CNOT3: variants seen among roughly 807,000 people sequenced by gnomAD.
CNOT3 encodes CCR4-NOT transcription complex subunit 3.
Under a neutral mutation model 89.4 loss-of-function variants are expected in CNOT3, and 2 were observed. The ratio of observed to expected loss-of-function variants is 0.02; its 90% CI spans 0.01 to 0.07. The LOEUF is 0.07. CNOT3 is among the 10% of genes least tolerant of loss of function. CNOT3 has a pLI of 1.00. For missense variants in CNOT3, 664 were observed against 1,010.2 expected (o/e 0.66, Z 4.65); for synonymous variants, 486 against 402.0 (o/e 1.21, Z -2.50).
intron 13 of CNOT3, among the ~76,000 whole-genome samples, chr19:54,150,119 C>G (rs2074987423): frequency 6.6e-6 from 1 of 152,154 alleles, no homozygotes; most frequent in African/African-American, 2.4e-5. Flanking sequence ...GGTGTACTTT[C>G]TGCACAAGTA....
intron 10 of CNOT3, among the ~76,000 whole-genome samples, chr19:54,147,338 T>C (rs979071032): frequency 2.4e-4 from 37 of 152,208 alleles, no homozygotes; most frequent in African/African-American, 8.9e-4. Context: ...TGAGTGGGCA[T>C]TGAGGAGGCT....
intron 1 of CNOT3, among the ~76,000 whole-genome samples, chr19:54,140,749 C>T (rs2074416548): frequency 6.6e-6 from 1 of 152,170 alleles, no homozygotes; most frequent in Non-Finnish European, 1.5e-5. Flanking sequence ...AACATCACCT[C>T]CCTGGGTTAG....
intron 17 of CNOT3, chr19:54,154,161 G>A (rs1047246030): frequency 3.1e-5 from 17 of 546,866 alleles, no homozygotes; most frequent in Non-Finnish European, 5.6e-5. Context: ...GATTTTCCCA[G>A]TATGTGTCCC....
At chr19:54,146,699 T>G (rs1298692253) in intron 10 of CNOT3, 42 bp downstream of exon 10, 1 of 1,095,454 alleles carries the variant, frequency 9.1e-7, no homozygotes, top group South Asian at 1.2e-5. Flanking sequence ...CATTCACTCC[T>G]CTGTTGCTTC....
rs1035792092 is a variant in CNOT3 at position 54,145,372 on chromosome 19, G to T, written c.484-226G>T. On this transcript the variant is annotated intron_variant, in intron 7 of 17. Transcript: ENST00000221232. This position sits in a 1 kb window ranked among gnomAD's most constrained non-coding sequence, Gnocchi z 5.9. ...TCCAAGGACTCCTGGAGCCAGAAAG[G>T]TGTGGGGAGAGGAGGGAGCAGTGGG... Among the ~76,000 whole-genome samples, 9 of 152,158 alleles carry T rather than the reference G, an allele frequency of 5.9e-5. No homozygotes were observed. Among genetic ancestry groups the T allele is most frequent in the African/African-American group, 2.2e-4 (9 of 41,432 alleles).
intron 13 of CNOT3, among the ~76,000 whole-genome samples, chr19:54,150,813 CAG>C (rs1164284936): frequency 1.3e-5 from 2 of 150,402 alleles, no homozygotes; most frequent in Admixed American, 6.6e-5. Flanking sequence ...TTTTTTGAGA[CAG>C]AGTCTTGCTC....
At chr19:54,143,345 G>C (rs181417057) in intron 3 of CNOT3, 97 bp from the exon 4 acceptor site, 2 of 1,354,784 alleles carry the variant, frequency 1.5e-6, no homozygotes, top group Non-Finnish European at 2.1e-6. Flanking sequence ...TAGGGGTTGG[G>C]GGGGGTCCTC....
chr19:54,153,863 T>G (rs772865786), intron 17 of CNOT3, 23 bp downstream of exon 17: 2 of 1,614,018 alleles, frequency 1.2e-6, no homozygotes, highest in South Asian at 2.2e-5. Flanking sequence ...CCCCCTCTCT[T>G]CCCGCTGCTA....
chr19:54,153,598 C>T (rs1221698615), intron 16 of CNOT3, 117 bp from the exon 17 acceptor site: 1 of 814,292 alleles, frequency 1.2e-6, no homozygotes, highest in African/African-American at 1.7e-5. Context: ...GATTGTCCAG[C>T]CCAACTGTGG....
Position 54,145,826 on chromosome 19 carries a change from C to T in CNOT3, c.703+9C>T. ...GGACCTCGAGGACATTCGTGAGGCC[C>T]TGGGGCTGATCGTGGCACAGGAAGT... On this transcript the variant is annotated intron_variant, in intron 8 of 17. Transcript: ENST00000221232. This position sits in a 1 kb window ranked among gnomAD's most constrained non-coding sequence, Gnocchi z 5.9. 1.9e-6 allele frequency: 3 copies of T among 1,610,480 alleles called. No homozygotes were observed. The highest frequency in any genetic ancestry group is 2.5e-6 in the Non-Finnish European group (3 of 1,177,154).
Position 54,145,334 on chromosome 19 carries a change from T to G in CNOT3, c.484-264T>G, listed in dbSNP as rs1003778180. On this transcript the variant is annotated intron_variant, in intron 7 of 17. Transcript: ENST00000221232. The surrounding 1 kb of genome is among the most constrained non-coding windows in gnomAD (Gnocchi z 5.9). ...GTGGGATGGCACAAGGACCTCTGGGTCTTTTAGAGGTTTCCAAGGACTCCT... is the reference window on the plus strand; with the variant it reads ...GTGGGATGGCACAAGGACCTCTGGGGCTTTTAGAGGTTTCCAAGGACTCCT... Among the ~76,000 whole-genome samples the G allele has an allele frequency of 4.0e-5, 6 of 151,838 alleles. No homozygotes were observed. Among genetic ancestry groups the G allele is most frequent in the Non-Finnish European group, 8.8e-5 (6 of 67,952 alleles).
chr19:54,152,640 G>A lies in CNOT3; in HGVS notation c.1904+14G>A. The A allele has an allele frequency of 6.3e-7, 1 of 1,598,794 alleles. No individual in the cohort carries two copies. The highest frequency in any genetic ancestry group is 8.6e-7 in the Non-Finnish European group (1 of 1,168,658). ...TGAGCGTATTCGGTGAGGGGCCACA[G>A]GGAAGGGGGATGGTCTGGGACTTGA... is the stretch of plus-strand genomic sequence containing the variant. On this transcript the variant is annotated intron_variant, in intron 15 of 17. Coordinates refer to ENST00000221232, the MANE Select transcript of CNOT3 (RefSeq NM_014516.4).
chr19:54,155,199 G>A (rs572092799), intron 17 of CNOT3, 110 bp from the exon 18 acceptor site: 58 of 1,343,452 alleles, frequency 4.3e-5, no homozygotes, highest in African/African-American at 3.3e-4. Flanking sequence ...CAGCTGGCCC[G>A]GTGCCTGACA....
intron 1 of CNOT3, among the ~76,000 whole-genome samples, chr19:54,138,590 C>G (rs1361068865): frequency 6.6e-6 from 1 of 152,222 alleles, no homozygotes; most frequent in South Asian, 2.1e-4. Flanking sequence ...CCGCATCCCT[C>G]CTCACTGCTC....
In CNOT3 at chr19:54,148,033, G is replaced by GT; in HGVS notation, c.895-115_895-114insT. 2.7e-6 allele frequency: 2 copies of GT among 746,468 alleles called. No homozygotes were observed. Among genetic ancestry groups the GT allele is most frequent in the Non-Finnish European group, 4.0e-6 (2 of 495,848 alleles). 46.2% of individuals were successfully genotyped at this position (746,468 alleles called of 1,614,324 possible). ...TCCCCAAGAGGGCAGGAGCAGGTGGGGGCAGCGAGGCCAGAGAGGAGGCTG... is the reference window on the plus strand; with the variant it reads ...TCCCCAAGAGGGCAGGAGCAGGTGGGTGGCAGCGAGGCCAGAGAGGAGGCTG... On this transcript the variant is annotated intron_variant, in intron 10 of 17. Transcript: ENST00000221232. The surrounding 1 kb of genome is among the most constrained non-coding windows in gnomAD (Gnocchi z 6.3).
At position 54,152,535 on chromosome 19, in the gene CNOT3, G is replaced by A; in HGVS notation, c.1813G>A (p.Val605Met). ...GCTGGGTGTCTGTCCACTGGGCCCT[G>A]TGCCCCTCACCAAGGAGCAGCTCTA... ...LSLGVCPLGP[V>M]PLTKEQLYQQ... is the part of the protein sequence containing the mutation. Residue 605 changes from valine to methionine, a missense_variant, in exon 15 of 18, where the codon GTG becomes ATG. By Grantham distance (21) the Val-to-Met change is conservative (BLOSUM62 1). This residue lies in a region of CNOT3 where 545 missense variants were observed against 566.2 expected (regional missense o/e 0.96). Transcript: ENST00000221232. 2 of 1,614,172 alleles carry A rather than the reference G, an allele frequency of 1.2e-6. No homozygotes were observed. The highest frequency in any genetic ancestry group is 1.7e-6 in the Non-Finnish European group (2 of 1,180,022).
At chr19:54,154,155 T>G in intron 17 of CNOT3, 1 of 560,000 alleles carries the variant, frequency 1.8e-6, no homozygotes, top group Non-Finnish European at 3.4e-6. Flanking sequence ...GTGTGGGATT[T>G]TCCCAGTATG....
intron 17 of CNOT3, chr19:54,154,259 A>G (rs771099779): frequency 5.5e-6 from 2 of 366,332 alleles, no homozygotes; most frequent in Non-Finnish European, 1.1e-5. Flanking sequence ...GCAGGGGCTC[A>G]GTGCGGAAAC....
At chr19:54,152,722 CCT>C (rs2075190154) in intron 15 of CNOT3, 96 bp downstream of exon 15, 6 of 1,136,610 alleles carry the variant, frequency 5.3e-6, no homozygotes, top group East Asian at 4.7e-5. Flanking sequence ...GCACCAGGCC[CCT>C]GACTTGGGCT....
Sources: gnomAD v4.1 joint callset for allele counts (sites outside exome capture counted in the v4.1 genomes callset) on GRCh38, gnomAD v4.1.1 for gene constraint, gnomAD v4.1.1 regional missense constraint, Gnocchi (gnomAD v3.1) non-coding constraint, MANE v1.5 for transcripts, NCBI Gene and HGNC (gene_info 2026-07-23, HGNC 2026-07-21) for gene names.